Variants in KLHL2 observed in about 807,000 individuals in gnomAD.
KLHL2 encodes kelch-like protein 2.
KLHL2 carries 15 observed loss-of-function variants against 75.8 expected under a neutral mutation model. The observed-to-expected ratio is 0.20, with a 90% CI of 0.13 to 0.30. The LOEUF (loss-of-function observed/expected upper bound fraction) is 0.30. Among genes scored for constraint, KLHL2 ranks in the 10% least tolerant of loss-of-function variants. KLHL2 has a pLI of 1.00. For missense variants in KLHL2, 381 were observed against 741.0 expected (o/e 0.51, Z 5.64); for synonymous variants, 214 against 251.9 (o/e 0.85, Z 1.42).
chr4:165,243,762 A>G (rs1740006981), intron 4 of KLHL2, among the ~76,000 whole-genome samples: 2 of 152,064 alleles, frequency 1.3e-5, no homozygotes, highest in Admixed American at 1.3e-4. Context: ...ATAGTGTTTT[A>G]CTCTGCATGT....
intron 5 of KLHL2, among the ~76,000 whole-genome samples, chr4:165,294,085 T>TAAAACAAGA (rs1474211113): frequency 1.3e-5 from 2 of 152,172 alleles, no homozygotes; most frequent in East Asian, 3.9e-4. Flanking sequence ...TACCACCATG[T>TAAAACAAGA]AAAACAAGAA....
intron 1 of KLHL2, chr4:165,210,050 T>C: frequency 6.5e-7 from 1 of 1,550,020 alleles, no homozygotes; most frequent in Non-Finnish European, 8.7e-7. Flanking sequence ...CAGAGGCCAG[T>C]GGAAACTATT....
intron 5 of KLHL2, among the ~76,000 whole-genome samples, chr4:165,270,441 C>T (rs1024261419): frequency 1.3e-5 from 2 of 152,224 alleles, no homozygotes; most frequent in Non-Finnish European, 2.9e-5. Context: ...GCTCTGGTTT[C>T]TCCCCATCTT....
At position 165,264,698 on chromosome 4, in the gene KLHL2, G is replaced by T. The variant is rs1253461734; in HGVS notation, c.544+1339G>T. Reference sequence around the variant, plus strand: ...CGTATATGTATGTGTGTGTGTGTGTGTGTGTGTATATATATATATATACAT... The same window carrying T: ...CGTATATGTATGTGTGTGTGTGTGTTTGTGTGTATATATATATATATACAT... On this transcript the variant is annotated intron_variant, in intron 5 of 14. Coordinates refer to ENST00000226725, the MANE Select transcript of KLHL2 (RefSeq NM_007246.4). Among the ~76,000 whole-genome samples the T allele has an allele frequency of 1.8e-4, 10 of 54,748 alleles. No individual in the cohort carries two copies. In the East Asian group the frequency reaches 4.9e-3, roughly 27 times the overall value. The allele number at this position is 54,748 out of a possible 152,430, so 35.9% of individuals were successfully genotyped here.
In KLHL2 at chr4:165,207,900, C is replaced by T. The variant is rs1350473885; in HGVS notation, c.24C>T (p.Pro8=). 7.0e-7 allele frequency: 1 copy of T among 1,434,258 alleles called. No homozygotes were observed. Among genetic ancestry groups the T allele is most frequent in the South Asian group, 1.3e-5 (1 of 74,642 alleles). The allele number at this position is 1,434,258 out of a possible 1,614,324, so 88.8% of individuals were successfully genotyped here. ...CAATGGAGACGCCGCCGCTGCCTCC[C>T]GCGTGAGTGAGCGGGCGGGCGGGCT... The part of the protein sequence containing the change: METPPLP[P]ACTKQGHQKP... The change falls in exon 1 of 15, where the codon CCC becomes CCT. Residue 8 remains proline (P), a splice_region_variant and synonymous_variant. Transcript: ENST00000226725. This position sits in a 1 kb window ranked among gnomAD's most constrained non-coding sequence, Gnocchi z 4.2.
At chr4:165,255,408 G>GT (rs919414139) in intron 4 of KLHL2, among the ~76,000 whole-genome samples, 16 of 151,710 alleles carry the variant, frequency 1.1e-4, no homozygotes, top group South Asian at 4.2e-4. Flanking sequence ...GGTTGTTTTT[G>GT]TTTTTTTTAA....
chr4:165,274,059 ATTTTTC>A (rs141710832), intron 5 of KLHL2, among the ~76,000 whole-genome samples: 34,793 of 151,280 alleles, frequency 0.23, 5,918 homozygotes, highest in African/African-American at 0.48. Flanking sequence ...TAAAGTTAAT[ATTTTTC>A]TTTTTCTTTT....
intron 7 of KLHL2, among the ~76,000 whole-genome samples, chr4:165,298,342 A>G (rs1745076880): frequency 6.6e-6 from 1 of 152,000 alleles, no homozygotes; most frequent in Non-Finnish European, 1.5e-5. Flanking sequence ...TGACCCAAAT[A>G]CCGTTTAATT....
At chr4:165,274,608 CAA>C (rs1319249650) in intron 5 of KLHL2, among the ~76,000 whole-genome samples, 81 of 106,874 alleles carry the variant, frequency 7.6e-4, no homozygotes, top group Middle Eastern at 5.4e-3. Flanking sequence ...GACTACGTCT[CAA>C]AAAAAAAAAA....
intron 5 of KLHL2, among the ~76,000 whole-genome samples, chr4:165,266,734 A>T (rs1301721741): frequency 6.6e-6 from 1 of 152,134 alleles, no homozygotes; most frequent in Non-Finnish European, 1.5e-5. Flanking sequence ...CTTGTAGTAT[A>T]CTTTGAAGTC....
chr4:165,228,596 G>A (rs1163993758), intron 2 of KLHL2, among the ~76,000 whole-genome samples: 1 of 152,130 alleles, frequency 6.6e-6, no homozygotes, highest in East Asian at 1.9e-4. Flanking sequence ...TCAAAGGCAG[G>A]ATTCTTAGTG....
At chr4:165,279,334 A>G in intron 5 of KLHL2, 1 of 1,571,608 alleles carries the variant, frequency 6.4e-7, no homozygotes, top group Non-Finnish European at 8.8e-7. Flanking sequence ...GAGGCTCTCC[A>G]GTTATCTTGT....
intron 8 of KLHL2, among the ~76,000 whole-genome samples, chr4:165,305,230 A>G (rs1480383166): frequency 6.6e-6 from 1 of 151,934 alleles, no homozygotes; most frequent in Non-Finnish European, 1.5e-5. Context: ...CTCCTGGATT[A>G]TGGAGTTCTA....
chr4:165,268,298 G>T (rs1440846885), intron 5 of KLHL2, among the ~76,000 whole-genome samples: 3 of 151,772 alleles, frequency 2.0e-5, no homozygotes, highest in Admixed American at 1.3e-4. Flanking sequence ...AGGGTTTTTT[G>T]TGTCTCTGTC....
rs1045199289 is a variant in KLHL2, at chr4:165,207,713, G to A, written c.-164G>A. Reference sequence around the variant, plus strand: ...GCCCGGCCGAGCGGGCCATGGCCGCGGGGGCCGCCGCCGCAGGTGGTGGCG... The same window carrying A: ...GCCCGGCCGAGCGGGCCATGGCCGCAGGGGCCGCCGCCGCAGGTGGTGGCG... On this transcript the variant is annotated 5_prime_UTR_variant, in exon 1 of 15. Coordinates refer to ENST00000226725, the MANE Select transcript of KLHL2 (RefSeq NM_007246.4). The surrounding 1 kb of genome is among the most constrained non-coding windows in gnomAD (Gnocchi z 4.2). 21 of 294,928 alleles carry A rather than the reference G, an allele frequency of 7.1e-5. No homozygotes were observed. Among genetic ancestry groups the A allele is most frequent in the African/African-American group, 2.3e-4 (10 of 43,892 alleles). 18.3% of individuals were successfully genotyped at this position (294,928 alleles called of 1,614,324 possible).
At chr4:165,286,125 G>A (rs1159512592) in intron 5 of KLHL2, among the ~76,000 whole-genome samples, 5 of 152,152 alleles carry the variant, frequency 3.3e-5, no homozygotes, top group Non-Finnish European at 7.3e-5. Context: ...GTGAAGCATA[G>A]CATCAGTGGA....
At chr4:165,287,088 A>G (rs1744151735) in intron 5 of KLHL2, among the ~76,000 whole-genome samples, 1 of 152,176 alleles carries the variant, frequency 6.6e-6, no homozygotes, top group Non-Finnish European at 1.5e-5. Context: ...CTTTATTGTG[A>G]AACAGATCTC....
At position 165,219,475 on chromosome 4, in the gene KLHL2, T is replaced by G. The variant is rs547713762; in HGVS notation, c.27-459T>G. Among the ~76,000 whole-genome samples, 5 of 152,378 alleles carry G rather than the reference T, an allele frequency of 3.3e-5. No individual in the cohort carries two copies. The South Asian group carries it at 1.0e-3, about 32-fold the overall frequency. The stretch of plus-strand genomic sequence containing the variant: ...TCTTGTTAGTATAGGTCAAAATATA[T>G]GGGGTTAATATATCCTGGCAGGTAG... On this transcript the variant is annotated intron_variant, in intron 1 of 14. Transcript: ENST00000226725.
intron 5 of KLHL2, among the ~76,000 whole-genome samples, chr4:165,281,562 G>T (rs539392931): frequency 1.3e-5 from 2 of 152,088 alleles, no homozygotes; most frequent in Admixed American, 1.3e-4. Flanking sequence ...TGATCCACCC[G>T]CCTCAGCCTC....
Sources: allele counts gnomAD v4.1 joint callset (sites outside exome capture counted in the v4.1 genomes callset), GRCh38; gene constraint gnomAD v4.1.1; non-coding constraint Gnocchi (gnomAD v3.1); transcripts MANE v1.5; gene names NCBI Gene and HGNC (gene_info 2026-07-23, HGNC 2026-07-21).